GALNT7: variants seen among roughly 807,000 people sequenced by gnomAD.
The protein encoded by GALNT7 is polypeptide N-acetylgalactosaminyltransferase 7.
A neutral mutation model predicts 82.1 loss-of-function variants in GALNT7; 60 were observed. That is an observed-to-expected ratio of 0.73 (90% CI 0.59 to 0.91). GALNT7 has a LOEUF of 0.91. GALNT7 is among the 40% of genes least tolerant of loss of function. GALNT7 has a pLI of 0.00. For missense variants in GALNT7, 660 were observed against 804.2 expected (o/e 0.82, Z 2.17); for synonymous variants, 243 against 275.1 (o/e 0.88, Z 1.15).
At chr4:173,195,945 A>G (rs960075968) in intron 1 of GALNT7, among the ~76,000 whole-genome samples, 10 of 152,246 alleles carry the variant, frequency 6.6e-5, no homozygotes, top group Non-Finnish European at 8.8e-5. Context: ...AGCTGCCTTC[A>G]AGTTAACATG....
At chr4:173,250,501 T>C (rs1020903695) in intron 2 of GALNT7, among the ~76,000 whole-genome samples, 1 of 152,228 alleles carries the variant, frequency 6.6e-6, no homozygotes, top group African/African-American at 2.4e-5. Flanking sequence ...CACCAAAATG[T>C]AGCCCAGATC....
intron 6 of GALNT7, among the ~76,000 whole-genome samples, chr4:173,299,345 C>CT: frequency 6.6e-6 from 1 of 152,086 alleles, no homozygotes; most frequent in Admixed American, 6.5e-5. Flanking sequence ...TGCTTACGTG[C>CT]TTAACTTAAC....
intron 1 of GALNT7, among the ~76,000 whole-genome samples, chr4:173,191,648 T>C (rs1235974977): frequency 6.6e-6 from 1 of 152,210 alleles, no homozygotes; most frequent in African/African-American, 2.4e-5. Context: ...TGTACAAGAT[T>C]GAGTAGAAGA....
chr4:173,304,185 ACTTAAC>A (rs1737060682), intron 8 of GALNT7, 67 bp downstream of exon 8: 1 of 1,386,032 alleles, frequency 7.2e-7, no homozygotes, highest in South Asian at 1.3e-5. Flanking sequence ...TATAGTAGTT[ACTTAAC>A]AATTGTCAGC....
At chr4:173,181,210 A>T (rs957204265) in intron 1 of GALNT7, among the ~76,000 whole-genome samples, 3 of 152,178 alleles carry the variant, frequency 2.0e-5, no homozygotes, top group African/African-American at 7.2e-5. Context: ...AATTTTTATC[A>T]CTTAAAATAT....
At chr4:173,169,631 C>A (rs942443719) in intron 1 of GALNT7, 2 of 151,488 alleles carry the variant, frequency 1.3e-5, no homozygotes, top group African/African-American at 4.8e-5. Flanking sequence ...GCCGAGGCCT[C>A]GCCCGGACCG....
chr4:173,310,494 G>A (rs1480996966), intron 8 of GALNT7, among the ~76,000 whole-genome samples: 1 of 152,096 alleles, frequency 6.6e-6, no homozygotes, highest in Non-Finnish European at 1.5e-5. Flanking sequence ...CACTACCGGT[G>A]TCATTGATCT....
chr4:173,195,782 ATAGTCTCT>A (rs1158269870), intron 1 of GALNT7, among the ~76,000 whole-genome samples: 1 of 152,202 alleles, frequency 6.6e-6, no homozygotes, highest in Non-Finnish European at 1.5e-5. Context: ...ACTCAGATGC[ATAGTCTCT>A]TAGTTAAGAC....
chr4:173,170,714 A>G (rs1167322064), intron 1 of GALNT7, among the ~76,000 whole-genome samples: 1 of 152,236 alleles, frequency 6.6e-6, no homozygotes, highest in Non-Finnish European at 1.5e-5. Flanking sequence ...TTAAGTCATC[A>G]AATGGCTTTT....
At chr4:173,209,455 G>A (rs1263664586) in intron 1 of GALNT7, among the ~76,000 whole-genome samples, 4 of 152,248 alleles carry the variant, frequency 2.6e-5, no homozygotes, top group Non-Finnish European at 5.9e-5. Flanking sequence ...GGAGAATGCA[G>A]TACATGCCAA....
chr4:173,298,279 C>A lies in GALNT7; in HGVS notation c.1130C>A (p.Thr377Lys). Residue 377 changes from threonine (T) to lysine (K), a missense_variant, in exon 6 of 12, where the codon ACA becomes AAA. Physicochemically the swap from Thr to Lys is moderately conservative, Grantham distance 78. Around this residue, in one of 2 missense-constraint regions of GALNT7, gnomAD observed 527 missense variants for 683.5 expected, o/e 0.77. Coordinates refer to ENST00000265000, the MANE Select transcript of GALNT7 (RefSeq NM_017423.3). ...LTPQEKRLRK[T>K]KTEPYRSPAM... ...CCTCAAGAGAAGAGACTGAGAAAGA[C>A]AAAAACTGAACCGTATCGGTAATCA... 2 of 1,571,164 alleles carry A rather than the reference C, an allele frequency of 1.3e-6. No individual in the cohort carries two copies. Among genetic ancestry groups the A allele is most frequent in the Admixed American group, 2.0e-5 (1 of 48,796 alleles).
At chr4:173,289,821 G>A (rs991276574) in intron 2 of GALNT7, among the ~76,000 whole-genome samples, 3 of 151,962 alleles carry the variant, frequency 2.0e-5, no homozygotes, top group Non-Finnish European at 4.4e-5. Context: ...TTTTTCCCCA[G>A]GTTGTTTTAA....
At chr4:173,229,250 G>T (rs1187967365) in intron 1 of GALNT7, among the ~76,000 whole-genome samples, 1 of 152,008 alleles carries the variant, frequency 6.6e-6, no homozygotes, top group Non-Finnish European at 1.5e-5. Flanking sequence ...TACCCTAGTG[G>T]GCGTCATAGT....
intron 2 of GALNT7, among the ~76,000 whole-genome samples, chr4:173,289,566 C>G (rs1736462083): frequency 6.6e-6 from 1 of 152,208 alleles, no homozygotes; most frequent in African/African-American, 2.4e-5. Context: ...TGCAATTCCC[C>G]TTATCTTATG....
At chr4:173,182,946 A>ACACACACACACT (rs1431648690) in intron 1 of GALNT7, among the ~76,000 whole-genome samples, 11 of 149,852 alleles carry the variant, frequency 7.3e-5, no homozygotes, top group African/African-American at 2.7e-4. Flanking sequence ...ACACACACAC[A>ACACACACACACT]CTCTGCTTTT....
chr4:173,299,689 A>T (rs1245743208), intron 6 of GALNT7, among the ~76,000 whole-genome samples: 1 of 152,110 alleles, frequency 6.6e-6, no homozygotes, highest in Non-Finnish European at 1.5e-5. Context: ...TCTACTAAAT[A>T]TACAAAATTA....
rs571797828 is a variant in GALNT7, at chr4:173,195,537, G to A, written c.126+26576G>A. 5.9e-5 allele frequency among the ~76,000 whole-genome samples: 9 copies of A among 152,260 alleles called. No individual in the cohort carries two copies. In the East Asian group the frequency reaches 1.4e-3, roughly 23 times the overall value. On this transcript the variant is annotated intron_variant, in intron 1 of 11. Coordinates refer to ENST00000265000, the MANE Select transcript of GALNT7 (RefSeq NM_017423.3). ...AACAAAGGTGACATTAAAAAACACT[G>A]TACTTCCTAGTTGCCAATAATACCT...
At position 173,303,979 on chromosome 4, in the gene GALNT7, G is replaced by A. The variant is rs28666774; in HGVS notation, c.1267-17G>A. 5.0e-4 allele frequency: 798 copies of A among 1,591,854 alleles called. 4 individuals are homozygous for A. In the African/African-American group the frequency reaches 9.4e-3, roughly 19 times the overall value. On this transcript the variant is annotated splice_polypyrimidine_tract_variant and intron_variant, in intron 7 of 11. Coordinates refer to ENST00000265000, the MANE Select transcript of GALNT7 (RefSeq NM_017423.3). ...TTGTATTTGAAACAACTTTCACAAC[G>A]TGTTTTTCCTTCATAGATATGGCAG...
intron 5 of GALNT7, among the ~76,000 whole-genome samples, chr4:173,297,605 C>T (rs573440280): frequency 5.8e-4 from 89 of 152,324 alleles, no homozygotes; most frequent in Non-Finnish European, 1.1e-3. Flanking sequence ...AGGGGGAAGT[C>T]TCCTCTCTCC....
Sources: allele counts gnomAD v4.1 joint callset (sites outside exome capture counted in the v4.1 genomes callset), GRCh38; gene constraint gnomAD v4.1.1; regional missense constraint gnomAD v4.1.1; transcripts MANE v1.5; gene names NCBI Gene and HGNC (gene_info 2026-07-23, HGNC 2026-07-21).